The following WDFY4 variants were observed in gnomAD, a reference collection of about 807,000 sequenced individuals.
WDFY4 encodes the protein WDFY family member 4.
A neutral mutation model predicts 351.9 loss-of-function variants in WDFY4; 169 were observed. The ratio of observed to expected loss-of-function variants is 0.48; its 90% CI spans 0.42 to 0.55. The LOEUF is 0.55. Ranked by LOEUF, WDFY4 falls within the 20% of genes least tolerant of loss-of-function variation. WDFY4 has a pLI of 0.00. For synonymous variants in WDFY4, 1,622 were observed against 1,574.6 expected (o/e 1.03, Z -0.71); for missense variants, 3,803 against 3,935.6 (o/e 0.97, Z 0.90).
At chr10:48,720,643 C>G (rs1156588080) in intron 3 of WDFY4, among the ~76,000 whole-genome samples, 1 of 151,982 alleles carries the variant, frequency 6.6e-6, no homozygotes, top group African/African-American at 2.4e-5. Context: ...CACAGACACA[C>G]TGCAACACAG....
chr10:48,777,542 A>G (rs1019330069), intron 17 of WDFY4, 47 bp downstream of exon 17: 2 of 1,502,678 alleles, frequency 1.3e-6, no homozygotes, highest in Non-Finnish European at 9.1e-7. Flanking sequence ...CTTCCAAAGT[A>G]TGAGTCTTCA....
At chr10:48,895,616 T>C (rs1276026458) in intron 44 of WDFY4, among the ~76,000 whole-genome samples, 1 of 152,238 alleles carries the variant, frequency 6.6e-6, no homozygotes, top group Non-Finnish European at 1.5e-5. Context: ...AGAAATCAAC[T>C]TTATTTCTGA....
intron 13 of WDFY4, among the ~76,000 whole-genome samples, chr10:48,771,868 G>C (rs1346001634): frequency 6.6e-6 from 1 of 152,202 alleles, no homozygotes; most frequent in Non-Finnish European, 1.5e-5. Context: ...AGGAAGCAGG[G>C]AGGACTCCAA....
intron 3 of WDFY4, 35 bp from the exon 4 acceptor site, chr10:48,721,226 T>C: frequency 6.5e-7 from 1 of 1,535,732 alleles, no homozygotes; most frequent in South Asian, 1.2e-5. Flanking sequence ...AGTGGGCAGG[T>C]CGCTGTATGC....
intron 40 of WDFY4, among the ~76,000 whole-genome samples, chr10:48,872,610 C>A (rs116452466): frequency 0.016 from 2,439 of 152,280 alleles, 68 homozygotes; most frequent in African/African-American, 0.055. Context: ...TGAATAATTG[C>A]AAAAGTGTAT....
At chr10:48,721,457 G>T in intron 4 of WDFY4, 90 bp downstream of exon 4, 1 of 1,161,978 alleles carries the variant, frequency 8.6e-7, no homozygotes, top group South Asian at 1.3e-5. Context: ...TATCCCAAGA[G>T]GGTCATTCGT....
intron 1 of WDFY4, among the ~76,000 whole-genome samples, chr10:48,691,698 T>A (rs950492292): frequency 6.6e-6 from 1 of 152,208 alleles, no homozygotes; most frequent in Non-Finnish European, 1.5e-5. Context: ...AATAAGAAAA[T>A]TTCTCAGTAG....
intron 47 of WDFY4, among the ~76,000 whole-genome samples, chr10:48,917,358 TCCAACA>T (rs1838645991): frequency 6.6e-6 from 1 of 152,146 alleles, no homozygotes; most frequent in Admixed American, 6.5e-5. Context: ...GCTGAAAACT[TCCAACA>T]GTGATGAAAA....
At chr10:48,963,130 A>T (rs1841934403) in intron 53 of WDFY4, among the ~76,000 whole-genome samples, 1 of 152,192 alleles carries the variant, frequency 6.6e-6, no homozygotes, top group Non-Finnish European at 1.5e-5. Flanking sequence ...ACCACACATG[A>T]GCCTGCCCTA....
intron 47 of WDFY4, among the ~76,000 whole-genome samples, chr10:48,918,114 A>C (rs1429119003): frequency 1.3e-5 from 2 of 152,234 alleles, no homozygotes; most frequent in Non-Finnish European, 2.9e-5. Context: ...AAAACTAAAT[A>C]TATAAATGAG....
chr10:48,863,565 A>G (rs868359709), intron 39 of WDFY4, among the ~76,000 whole-genome samples: 1 of 151,814 alleles, frequency 6.6e-6, no homozygotes, highest in Non-Finnish European at 1.5e-5. Context: ...TTTATTATTG[A>G]TCTCTAAGTA....
chr10:48,917,947 C>T (rs1838703217), intron 47 of WDFY4, among the ~76,000 whole-genome samples: 1 of 152,148 alleles, frequency 6.6e-6, no homozygotes, highest in Non-Finnish European at 1.5e-5. Context: ...ACAACTACTA[C>T]ATAACGGGGA....
Position 48,973,144 on chromosome 10 carries a change from T to A in WDFY4, c.8929-1718T>A, listed in dbSNP as rs115446850. ...ACTGGTAAACAACACGTGCCGGCAC[T>A]GGGGCTCAGAGCTCCTCTCTACATC... On this transcript the variant is annotated intron_variant, in intron 57 of 61. Coordinates refer to ENST00000325239, the MANE Select transcript of WDFY4 (RefSeq NM_001394531.1). Among the ~76,000 whole-genome samples the A allele has an allele frequency of 3.2e-3, 490 of 152,286 alleles. 7 individuals carry two copies. Among genetic ancestry groups the A allele is most frequent in the African/African-American group, 0.011 (470 of 41,552 alleles).
chr10:48,743,408 G>A lies in WDFY4; in HGVS notation c.2319G>A (p.Met773Ile), dbSNP rs2064915547. 6.4e-7 allele frequency: 1 copy of A among 1,551,394 alleles called. No homozygotes were observed. The highest frequency in any genetic ancestry group is 8.7e-7 in the Non-Finnish European group (1 of 1,147,006). ...CLQILGFLDSMASGTLHLRGD... is the reference protein window; with the variant it reads ...CLQILGFLDSIASGTLHLRGD... ...AGATCCTTGGCTTTCTGGACAGCAT[G>A]GCCAGCGGCACCCTCCACTTGCGTG... Residue 773 changes from methionine (M) to isoleucine (I), a missense_variant, in exon 12 of 62, where the codon ATG becomes ATA. Physicochemically the swap from Met to Ile is conservative, Grantham distance 10. This residue lies in a region of WDFY4 where 3,054 missense variants were observed against 3,148.6 expected (regional missense o/e 0.97). Transcript: ENST00000325239.
At chr10:48,955,590 C>T (rs1841549061) in intron 51 of WDFY4, among the ~76,000 whole-genome samples, 2 of 152,204 alleles carry the variant, frequency 1.3e-5, no homozygotes, top group African/African-American at 4.8e-5. Context: ...CCAGTTCTGC[C>T]ATTCACTGCC....
At chr10:48,938,699 G>GC (rs1236586682) in intron 47 of WDFY4, among the ~76,000 whole-genome samples, 1 of 152,228 alleles carries the variant, frequency 6.6e-6, no homozygotes, top group Non-Finnish European at 1.5e-5. Flanking sequence ...TAGCGCTCAA[G>GC]CTTCTGAAGC....
At chr10:48,731,038 T>C in intron 8 of WDFY4, 72 bp from the exon 9 acceptor site, 2 of 1,415,270 alleles carry the variant, frequency 1.4e-6, no homozygotes, top group East Asian at 2.5e-5. Context: ...GCCCTCTTAG[T>C]AATGAAAACA....
At chr10:48,949,234 T>C (rs1841201369) in intron 51 of WDFY4, among the ~76,000 whole-genome samples, 1 of 152,212 alleles carries the variant, frequency 6.6e-6, no homozygotes, top group Non-Finnish European at 1.5e-5. Flanking sequence ...TGCTTCTAAA[T>C]TGGGTCTCAC....
intron 55 of WDFY4, chr10:48,968,856 G>A (rs771361154): frequency 8.9e-6 from 5 of 562,664 alleles, no homozygotes; most frequent in South Asian, 6.7e-5. Context: ...CCCGGGGCCC[G>A]GCTACAGTGG....
Sources: gnomAD v4.1 joint callset for allele counts (sites outside exome capture counted in the v4.1 genomes callset) on GRCh38, gnomAD v4.1.1 for gene constraint, gnomAD v4.1.1 regional missense constraint, MANE v1.5 for transcripts, NCBI Gene and HGNC (gene_info 2026-07-23, HGNC 2026-07-21) for gene names.